Variants in APOLD1 observed in about 807,000 individuals in gnomAD.
APOLD1 encodes the protein apolipoprotein L domain containing 1, also known as apolipoprotein L domain-containing protein 1.
In APOLD1, 22 loss-of-function variants were observed where a neutral mutation model predicts 15.3. The observed-to-expected ratio is 1.44, with a 90% CI of 1.03 to 2.05. APOLD1 has a LOEUF of 2.05. Among genes scored for constraint, APOLD1 ranks in the 30% most tolerant of loss-of-function variants. The pLI is 0.00. For synonymous variants in APOLD1, 190 were observed against 167.4 expected, an observed-to-expected ratio of 1.13 and a Z score of -1.04; for missense variants, 394 against 353.5, an observed-to-expected ratio of 1.11 and a Z score of -0.92.
In APOLD1 at chr12:12,787,357, A is replaced by T. The variant is rs748926594; in HGVS notation, c.452A>T (p.Gln151Leu). 2.5e-6 allele frequency: 4 copies of T among 1,614,098 alleles called. No individual in the cohort carries two copies. Among genetic ancestry groups the T allele is most frequent in the Middle Eastern group, 1.6e-4 (1 of 6,062 alleles). ...FCRWQGCGDR[Q>L]LLQCGRNASI... ...CGCTGGCAGGGCTGCGGGGACCGCC[A>T]GCTGCTGCAGTGCGGGAGGAACGCC... Residue 151 changes from glutamine (Q) to leucine (L), a missense_variant, in exon 2 of 2, where the codon CAG (glutamine) becomes CTG (leucine). Gln to Leu is a moderately radical substitution (Grantham distance 113). Transcript: ENST00000356591. The surrounding 1 kb of genome is among the most constrained non-coding windows in gnomAD (Gnocchi z 4.9).
chr12:12,763,752 G>C (rs1009255658), intron 1 of APOLD1, among the ~76,000 whole-genome samples: 26 of 152,114 alleles, frequency 1.7e-4, no homozygotes, highest in African/African-American at 5.8e-4. Context: ...ACTTATATGA[G>C]GGGGATGTCT....
At chr12:12,774,132 A>C (rs770389413) in intron 1 of APOLD1, among the ~76,000 whole-genome samples, 2 of 152,232 alleles carry the variant, frequency 1.3e-5, no homozygotes, top group East Asian at 3.8e-4. Flanking sequence ...TGCAAAAGAC[A>C]CTGTGAATTG....
chr12:12,751,270 G>T (rs1003683865), intron 1 of APOLD1, among the ~76,000 whole-genome samples: 3 of 152,136 alleles, frequency 2.0e-5, no homozygotes, highest in African/African-American at 7.2e-5. Flanking sequence ...GAGGATGTCA[G>T]CCACACCTCT....
Position 12,780,084 on chromosome 12 carries a change from T to C in APOLD1, c.97-6825T>C, listed in dbSNP as rs189829189. 5.5e-4 allele frequency among the ~76,000 whole-genome samples: 84 copies of C among 152,200 alleles called. 1 individual carries two copies. The highest frequency in any genetic ancestry group is 2.0e-3 in the African/African-American group (81 of 41,534). On this transcript the variant is annotated intron_variant, in intron 1 of 1. Transcript: ENST00000326765. ...ATGTTAAATTCTTATAAAATTGTTA[T>C]AAAATAATGATATTTCTTTAAGTGA... is the stretch of plus-strand genomic sequence containing the variant.
chr12:12,778,431 C>T (rs1009373248), intron 1 of APOLD1, among the ~76,000 whole-genome samples: 7 of 151,922 alleles, frequency 4.6e-5, no homozygotes, highest in African/African-American at 1.7e-4. Flanking sequence ...GCACTCCTCC[C>T]ACCTCAGCCT....
intron 1 of APOLD1, among the ~76,000 whole-genome samples, chr12:12,727,882 G>A (rs1006503672): frequency 1.3e-5 from 2 of 151,674 alleles, no homozygotes; most frequent in Non-Finnish European, 2.9e-5. Flanking sequence ...TGACAGGCAT[G>A]AGCCACCATA....
At chr12:12,768,956 C>T (rs1036364719) in intron 1 of APOLD1, among the ~76,000 whole-genome samples, 2 of 150,920 alleles carry the variant, frequency 1.3e-5, no homozygotes, top group African/African-American at 4.9e-5. Flanking sequence ...GGCTGGGCAC[C>T]GTAGCTCATG....
chr12:12,785,763 T>G, intron 1 of APOLD1, 69 bp downstream of exon 1: 1 of 1,461,512 alleles, frequency 6.8e-7, no homozygotes, highest in South Asian at 1.1e-5. Flanking sequence ...ACCTGGAAAA[T>G]TATCCCTGGT....
In APOLD1 at chr12:12,787,696, C is replaced by T; in HGVS notation, c.*44C>T. 6.5e-7 allele frequency: 1 copy of T among 1,531,182 alleles called. No homozygotes were observed. Among genetic ancestry groups the T allele is most frequent in the South Asian group, 1.3e-5 (1 of 79,674 alleles). 94.8% of individuals were successfully genotyped at this position (1,531,182 alleles called of 1,614,324 possible). ...ATGACCGAGGCCAGCAAATCATCCT[C>T]ATGGGATGCTCCAGAATTTGTAGCT... On this transcript the variant is annotated 3_prime_UTR_variant, in exon 2 of 2. Coordinates refer to ENST00000356591, the MANE Select transcript of APOLD1 (RefSeq NM_030817.3). This position sits in a 1 kb window ranked among gnomAD's most constrained non-coding sequence, Gnocchi z 4.9.
intron 1 of APOLD1, among the ~76,000 whole-genome samples, chr12:12,758,640 A>G (rs1946876423): frequency 6.6e-6 from 1 of 152,220 alleles, no homozygotes; most frequent in South Asian, 2.1e-4. Flanking sequence ...AGAAACATTC[A>G]ATTTATCCAT....
In APOLD1 at chr12:12,754,432, A is replaced by T. The variant is rs148009770; in HGVS notation, c.96+28336A>T. On this transcript the variant is annotated intron_variant, in intron 1 of 1. Coordinates refer to the APOLD1 transcript ENST00000326765. ...TAATAAAAAGAGAAGGGCCTTTCCT[A>T]CCAGACATCTACCTTTATTTTTATT... is the stretch of plus-strand genomic sequence containing the variant. 4.9e-3 allele frequency among the ~76,000 whole-genome samples: 743 copies of T among 151,648 alleles called. 4 individuals are homozygous for T. Among genetic ancestry groups the T allele is most frequent in the African/African-American group, 0.017 (693 of 41,372 alleles).
intron 1 of APOLD1, among the ~76,000 whole-genome samples, chr12:12,767,196 A>G (rs1403738347): frequency 6.6e-6 from 1 of 152,144 alleles, no homozygotes; most frequent in East Asian, 1.9e-4. Flanking sequence ...CAGTGTGCCA[A>G]GACCACGCCA....
At chr12:12,766,971 T>C (rs10734856) in intron 1 of APOLD1, among the ~76,000 whole-genome samples, 131,133 of 152,282 alleles carry the variant, frequency 0.86, 56,522 homozygotes, top group East Asian at 0.96. Context: ...CTGGGCTGGG[T>C]GCAGTGGCTC....
intron 1 of APOLD1, among the ~76,000 whole-genome samples, chr12:12,760,530 T>G (rs938828001): frequency 1.3e-5 from 2 of 150,742 alleles, no homozygotes; most frequent in Non-Finnish European, 3.0e-5. Context: ...TCCCAGCTAC[T>G]TGGGAGGCTG....
chr12:12,766,651 C>T (rs1282926479), intron 1 of APOLD1, among the ~76,000 whole-genome samples: 2 of 152,114 alleles, frequency 1.3e-5, no homozygotes, highest in African/African-American at 4.8e-5. Flanking sequence ...GAGTTTGAGA[C>T]CAGCCTGGCC....
chr12:12,787,143 A>G lies in APOLD1; in HGVS notation c.238A>G (p.Thr80Ala), dbSNP rs1947136296. The change falls in exon 2 of 2, where the codon ACC becomes GCC. Residue 80 changes from threonine (T) to alanine (A), a missense_variant. Physicochemically the swap from Thr to Ala is moderately conservative, Grantham distance 58. Transcript: ENST00000356591. This position sits in a 1 kb window ranked among gnomAD's most constrained non-coding sequence, Gnocchi z 4.9. ...AIVGLSLSPVTLGTSLLVSAV... is the reference protein window; with the variant it reads ...AIVGLSLSPVALGTSLLVSAV... ...CGTGGGGCTCTCGCTCAGCCCGGTC[A>G]CCCTGGGGACCTCGCTGCTGGTGTC... The G allele has an allele frequency of 2.7e-6, 4 of 1,494,094 alleles. No individual in the cohort carries two copies. The highest frequency in any genetic ancestry group is 2.8e-5 in the African/African-American group (2 of 70,944). The allele number at this position is 1,494,094 out of a possible 1,614,324, so 92.6% of individuals were successfully genotyped here.
chr12:12,735,980 G>A (rs1946681913), intron 1 of APOLD1, among the ~76,000 whole-genome samples: 1 of 151,992 alleles, frequency 6.6e-6, no homozygotes. Flanking sequence ...CACCTGTAAT[G>A]TCAGCACTTT....
At chr12:12,744,602 T>C (rs7958253) in intron 1 of APOLD1, among the ~76,000 whole-genome samples, 144,409 of 152,250 alleles carry the variant, frequency 0.95, 68,971 homozygotes, top group Non-Finnish European at 1. Flanking sequence ...AAGAACTGCT[T>C]GGTTTCTGAT....
intron 1 of APOLD1, among the ~76,000 whole-genome samples, chr12:12,752,779 C>T (rs2136380998): frequency 6.6e-6 from 1 of 152,224 alleles, no homozygotes; most frequent in Non-Finnish European, 1.5e-5. Context: ...TACTCCTTGC[C>T]CCAAAGTGGT....
Sources: gnomAD v4.1 joint callset for allele counts (sites outside exome capture counted in the v4.1 genomes callset) on GRCh38, gnomAD v4.1.1 for gene constraint, Gnocchi (gnomAD v3.1) non-coding constraint, MANE v1.5 for transcripts, NCBI Gene and HGNC (gene_info 2026-07-23, HGNC 2026-07-21) for gene names.